Variants in ACBD3 observed in about 807,000 individuals in gnomAD.
The protein encoded by ACBD3 is Golgi resident protein GCP60.
ACBD3 carries 30 observed loss-of-function variants against 66.9 expected under a neutral mutation model. That is an observed-to-expected ratio of 0.45 (90% CI 0.34 to 0.61). ACBD3 has a LOEUF of 0.61. ACBD3 is among the 20% of genes least tolerant of loss of function. The probability of loss-of-function intolerance (pLI) is 0.02; values close to 1 mark genes in which losing one functional copy is unlikely to be tolerated. For missense variants in ACBD3, 544 were observed against 664.5 expected (o/e 0.82, Z 1.99); for synonymous variants, 278 against 259.8 (o/e 1.07, Z -0.68).
chr1:226,154,501 G>A, intron 6 of ACBD3, 146 bp downstream of exon 6: 2 of 896,780 alleles, frequency 2.2e-6, no homozygotes, highest in Admixed American at 3.0e-5. Flanking sequence ...CAGAGCATTA[G>A]ATTCAGACTA....
chr1:226,147,779 G>GATA (rs919991436), intron 7 of ACBD3, among the ~76,000 whole-genome samples: 2 of 152,136 alleles, frequency 1.3e-5, no homozygotes, highest in African/African-American at 4.8e-5. Flanking sequence ...GTAATGCTAT[G>GATA]AGGTTAGGAA....
chr1:226,171,178 C>T (rs975452835), intron 1 of ACBD3, among the ~76,000 whole-genome samples: 1 of 150,826 alleles, frequency 6.6e-6, no homozygotes, highest in Non-Finnish European at 1.5e-5. Flanking sequence ...GACAGACTCT[C>T]GCTCTGTCAC....
Position 226,154,779 on chromosome 1 carries a change from A to G in ACBD3, c.958T>C (p.Ser320Pro), listed in dbSNP as rs1212858366. 1 of 1,612,922 alleles carries G rather than the reference A, an allele frequency of 6.2e-7. No homozygotes were observed. The highest frequency in any genetic ancestry group is 1.3e-5 in the African/African-American group (1 of 74,860). The change falls in exon 6 of 8, where the codon TCA becomes CCA. Residue 320 changes from serine (S) to proline (P), a missense_variant. By Grantham distance (74) the Ser-to-Pro change is moderately conservative (BLOSUM62 -1). This residue lies in a region of ACBD3 where 383 missense variants were observed against 462.4 expected (regional missense o/e 0.83). Transcript: ENST00000366812. ...VVVAGSSLPTSSKVNATVPSN... is the reference protein window; with the variant it reads ...VVVAGSSLPTPSKVNATVPSN... ...GGTACAGTTGCATTCACTTTTGATG[A>G]TGTAGGCAAGGAAGACCCAGCCACT...
At chr1:226,167,102 C>T (rs968219813) in intron 1 of ACBD3, among the ~76,000 whole-genome samples, 7 of 152,116 alleles carry the variant, frequency 4.6e-5, no homozygotes, top group African/African-American at 1.7e-4. Context: ...GCCCAACAAT[C>T]GGTTTTTAAA....
intron 2 of ACBD3, among the ~76,000 whole-genome samples, 163 bp from the exon 3 acceptor site, chr1:226,165,092 C>T (rs1006422785): frequency 6.6e-6 from 1 of 152,172 alleles, no homozygotes. Context: ...TATTGATTTA[C>T]TAAATTAGAT....
At position 226,164,628 on chromosome 1, in the gene ACBD3, G is replaced by A. The variant is rs547733265; in HGVS notation, c.569+161C>T. 4.7e-3 allele frequency among the ~76,000 whole-genome samples: 715 copies of A among 152,262 alleles called. 2 individuals are homozygous for A. The highest frequency in any genetic ancestry group is 7.3e-3 in the Non-Finnish European group (496 of 68,016). On this transcript the variant is annotated intron_variant, in intron 3 of 7. Coordinates refer to ENST00000366812, the MANE Select transcript of ACBD3 (RefSeq NM_022735.4). ...CCTCCCCCCAAAACTTATAATACAA[G>A]TACCTGTTCACATCAGGAAGTTTGA...
Position 226,152,581 on chromosome 1 carries a change from G to A in ACBD3, c.1129C>T (p.Arg377Ter), listed in dbSNP as rs1659598128. The change falls in exon 7 of 8, where the codon CGA becomes TGA. Residue 377 changes from arginine to a stop codon, truncating the protein, a stop_gained. Transcript: ENST00000366812. LOFTEE classifies it high-confidence loss of function. ...TCTTTGAAGTCTTTGATCTGAGGTC[G>A]TGTCCACATGGATGGAGCTGCTATT... ...PVIAAPSMWTRPQIKDFKEKI... is the reference protein window; with the variant it reads ...PVIAAPSMWT 1.9e-6 allele frequency: 3 copies of A among 1,614,148 alleles called. No homozygotes were observed. Among genetic ancestry groups the A allele is most frequent in the Non-Finnish European group, 2.5e-6 (3 of 1,180,038 alleles).
At position 226,159,363 on chromosome 1, in the gene ACBD3, A is replaced by G; in HGVS notation, c.729-5T>C. ...AAAGCTGCCATTATCTGCTGCCTAA[A>G]AACATTAAAAATATATATACTAGTC... On this transcript the variant is annotated splice_region_variant and splice_polypyrimidine_tract_variant and intron_variant, in intron 4 of 7. Coordinates refer to ENST00000366812, the MANE Select transcript of ACBD3 (RefSeq NM_022735.4). 1 of 1,613,956 alleles carries G rather than the reference A, an allele frequency of 6.2e-7. No homozygotes were observed. Among genetic ancestry groups the G allele is most frequent in the Non-Finnish European group, 8.5e-7 (1 of 1,179,872 alleles).
chr1:226,186,411 G>A lies in ACBD3; in HGVS notation c.265C>T (p.Leu89=), dbSNP rs551195660. The A allele has an allele frequency of 3.3e-6, 5 of 1,524,238 alleles. No homozygotes were observed. In the East Asian group the frequency reaches 1.1e-4, roughly 34 times the overall value. 94.4% of individuals were successfully genotyped at this position (1,524,238 alleles called of 1,614,324 possible). ...TCACCTTTGAAGAAGCGCAGTGCCA[G>A]GCCGTACAACTCCTCCAGGCCGAAA... ...WGFGLEELYG[L]ALRFFKEKDG... is the part of the protein sequence containing the mutation. The change falls in exon 1 of 8, where the codon CTG becomes TTG. Residue 89 remains leucine, a synonymous_variant. Coordinates refer to ENST00000366812, the MANE Select transcript of ACBD3 (RefSeq NM_022735.4).
intron 6 of ACBD3, among the ~76,000 whole-genome samples, chr1:226,153,327 G>T (rs958198066): frequency 2.0e-5 from 3 of 152,198 alleles, no homozygotes; most frequent in Non-Finnish European, 4.4e-5. Flanking sequence ...AGCCTTTTCT[G>T]AAGCAATTAT....
At chr1:226,155,113 C>T (rs1338848148) in intron 5 of ACBD3, 5 of 228,856 alleles carry the variant, frequency 2.2e-5, no homozygotes, top group Non-Finnish European at 4.2e-5. Context: ...ACCATAAAAA[C>T]TAACCAGGAA....
At chr1:226,151,860 A>G (rs985262525) in intron 7 of ACBD3, among the ~76,000 whole-genome samples, 2 of 152,076 alleles carry the variant, frequency 1.3e-5, no homozygotes, top group South Asian at 4.2e-4. Flanking sequence ...ACAAAAAATT[A>G]GCCGGGCACA....
At position 226,152,504 on chromosome 1, in the gene ACBD3, C is replaced by T. The variant is rs1482455153; in HGVS notation, c.1206G>A (p.Val402=). The T allele has an allele frequency of 6.2e-7, 1 of 1,614,022 alleles. No homozygotes were observed. The highest frequency in any genetic ancestry group is 8.5e-7 in the Non-Finnish European group (1 of 1,180,032). The change falls in exon 7 of 8, where the codon GTG becomes GTA. Residue 402 remains valine, a synonymous_variant. Transcript: ENST00000366812. ...DSVITVGRGE[V]VTVRVPTHEE... is the part of the protein sequence containing the mutation. ...CATGGGTGGGTACTCGAACAGTGAC[C>T]ACTTCTCCTCGGCCCACTGTAATCA...
intron 7 of ACBD3, 144 bp downstream of exon 7, chr1:226,152,191 A>G (rs1378184859): frequency 7.8e-6 from 9 of 1,148,538 alleles, no homozygotes; most frequent in South Asian, 1.5e-5. Context: ...TAACATTTTC[A>G]GCCCAAGGTC....
intron 7 of ACBD3, among the ~76,000 whole-genome samples, chr1:226,150,100 G>A (rs534518830): frequency 2.0e-5 from 3 of 147,298 alleles, no homozygotes; most frequent in Non-Finnish European, 3.0e-5. Flanking sequence ...TCTGTCGCTC[G>A]GGCTGGAATG....
At chr1:226,172,761 A>G (rs183278927) in intron 1 of ACBD3, among the ~76,000 whole-genome samples, 2 of 152,190 alleles carry the variant, frequency 1.3e-5, no homozygotes, top group East Asian at 3.9e-4. Context: ...CCTGGGCAAC[A>G]CTGCAAGACC....
chr1:226,145,680 T>A lies in ACBD3; in HGVS notation c.*930A>T, dbSNP rs1381919955. On this transcript the variant is annotated 3_prime_UTR_variant, in exon 8 of 8. Transcript: ENST00000366812. ...AAAGAAAATAGACTGTCTCTGGCAGTGATTTCCATATTAGTGCAATGTTAC... is the reference window on the plus strand; with the variant it reads ...AAAGAAAATAGACTGTCTCTGGCAGAGATTTCCATATTAGTGCAATGTTAC... 2.0e-5 allele frequency: 3 copies of A among 152,660 alleles called. No homozygotes were observed. Among genetic ancestry groups the A allele is most frequent in the African/African-American group, 7.2e-5 (3 of 41,468 alleles). The allele number at this position is 152,660 out of a possible 1,614,324, so 9.5% of individuals were successfully genotyped here. A position where few individuals can be genotyped will look rare whatever the true frequency, so the allele number is the denominator to read the frequency against.
chr1:226,152,659 C>T (rs781770101), intron 6 of ACBD3, 40 bp from the exon 7 acceptor site: 2 of 1,578,680 alleles, frequency 1.3e-6, no homozygotes, highest in Non-Finnish European at 1.7e-6. Flanking sequence ...GAAAAAGAGC[C>T]TTCACCCTGC....
chr1:226,149,921 T>C (rs1659535051), intron 7 of ACBD3, among the ~76,000 whole-genome samples: 1 of 152,148 alleles, frequency 6.6e-6, no homozygotes, highest in African/African-American at 2.4e-5. Context: ...ACAGTCTGAC[T>C]TTAATGAGTC....
Sources: allele counts gnomAD v4.1 joint callset (sites outside exome capture counted in the v4.1 genomes callset), GRCh38; gene constraint gnomAD v4.1.1; regional missense constraint gnomAD v4.1.1; transcripts MANE v1.5; gene names NCBI Gene and HGNC (gene_info 2026-07-23, HGNC 2026-07-21).